NKIRAS1: variants seen among roughly 807,000 people sequenced by gnomAD.
The protein encoded by NKIRAS1 is NF-kappa-B inhibitor-interacting Ras-like protein 1.
In NKIRAS1, 16 loss-of-function variants were observed where a neutral mutation model predicts 19.8. That is an observed-to-expected ratio of 0.81 (90% CI 0.55 to 1.23). The LOEUF is 1.23. Among genes scored for constraint, NKIRAS1 ranks in the 50% most tolerant of loss-of-function variants. The pLI is 0.00. For synonymous variants in NKIRAS1, 88 were observed against 79.0 expected (o/e 1.11, Z -0.61); for missense variants, 184 against 220.0 (o/e 0.84, Z 1.04).
intron 1 of NKIRAS1, among the ~76,000 whole-genome samples, chr3:23,941,138 G>A (rs192821029): frequency 3.5e-4 from 53 of 152,312 alleles, no homozygotes; most frequent in Admixed American, 9.1e-4. Context: ...GGTATTAGGA[G>A]CTAGCAGGAC....
chr3:23,931,785 A>C (rs1705322218), intron 1 of NKIRAS1, among the ~76,000 whole-genome samples: 1 of 152,182 alleles, frequency 6.6e-6, no homozygotes, highest in South Asian at 2.1e-4. Flanking sequence ...GCAAAGGGTC[A>C]TGAGACCCAA....
chr3:23,898,787 T>C (rs1038217649), intron 4 of NKIRAS1, among the ~76,000 whole-genome samples: 3 of 152,104 alleles, frequency 2.0e-5, no homozygotes, highest in African/African-American at 4.8e-5. Context: ...CCCTAGGTCA[T>C]GCGCTGGTAC....
rs535680411 is a variant in NKIRAS1, at chr3:23,897,948, C to T, written c.336+2860G>A. On this transcript the variant is annotated intron_variant, in intron 4 of 4. Transcript: ENST00000425478. ...TAAATAAGCATTCACGGAATTAATA[C>T]GATTATGGGGATTGAAGAAGCATAT... 5.9e-5 allele frequency among the ~76,000 whole-genome samples: 9 copies of T among 152,190 alleles called. No homozygotes were observed. The South Asian group carries it at 1.2e-3, about 21-fold the overall frequency.
intron 1 of NKIRAS1, among the ~76,000 whole-genome samples, chr3:23,913,899 T>C (rs1287513013): frequency 6.6e-6 from 1 of 152,200 alleles, no homozygotes; most frequent in Non-Finnish European, 1.5e-5. Flanking sequence ...TGTGATGCCA[T>C]GATATTAGAA....
intron 3 of NKIRAS1, among the ~76,000 whole-genome samples, chr3:23,907,203 T>A (rs1261609517): frequency 6.6e-6 from 1 of 152,230 alleles, no homozygotes; most frequent in African/African-American, 2.4e-5. Context: ...TTCTTCCTTA[T>A]GATTTTAATA....
At chr3:23,934,228 C>T (rs4459841) in intron 1 of NKIRAS1, among the ~76,000 whole-genome samples, 97,539 of 151,962 alleles carry the variant, frequency 0.64, 31,506 homozygotes, top group Middle Eastern at 0.73. Flanking sequence ...CACATATATG[C>T]GGAAACTTTT....
upstream of NKIRAS1, chr3:23,918,054 G>A (rs369302129): frequency 1.8e-4 from 284 of 1,594,206 alleles, no homozygotes; most frequent in Non-Finnish European, 2.4e-4. Flanking sequence ...CTGCGTGGAT[G>A]CTTGGATAAA....
At chr3:23,896,789 C>G (rs993756063) in intron 4 of NKIRAS1, among the ~76,000 whole-genome samples, 5 of 148,392 alleles carry the variant, frequency 3.4e-5, no homozygotes, top group African/African-American at 1.3e-4. Flanking sequence ...GCCTGAACAA[C>G]ATAACAACAC....
intron 1 of NKIRAS1, among the ~76,000 whole-genome samples, chr3:23,940,877 T>G (rs988288499): frequency 1.4e-4 from 21 of 152,198 alleles, no homozygotes; most frequent in African/African-American, 5.1e-4. Context: ...TGCAATTTGC[T>G]GTGTCACAGC....
intron 1 of NKIRAS1, among the ~76,000 whole-genome samples, chr3:23,930,740 A>G (rs754115452): frequency 6.6e-5 from 10 of 152,280 alleles, no homozygotes; most frequent in Non-Finnish European, 1.3e-4. Flanking sequence ...GTACTCTGTC[A>G]CCCAGGCACA....
At chr3:23,908,638 A>G (rs1703315808) in intron 3 of NKIRAS1, among the ~76,000 whole-genome samples, 1 of 152,116 alleles carries the variant, frequency 6.6e-6, no homozygotes, top group South Asian at 2.1e-4. Flanking sequence ...TATTAGTGTC[A>G]TTTAGAAAAA....
chr3:23,946,131 C>T (rs1705693293), intron 1 of NKIRAS1: 1 of 985,190 alleles, frequency 1.0e-6, no homozygotes, highest in South Asian at 4.7e-5. Flanking sequence ...CCCTCCTCCC[C>T]CGCGGGGTTG....
intron 4 of NKIRAS1, among the ~76,000 whole-genome samples, chr3:23,894,623 C>A (rs1701799151): frequency 6.6e-6 from 1 of 152,140 alleles, no homozygotes; most frequent in Non-Finnish European, 1.5e-5. Flanking sequence ...CCACTGCATC[C>A]TCCACCTCTG....
intron 1 of NKIRAS1, among the ~76,000 whole-genome samples, chr3:23,925,071 A>G (rs974531651): frequency 5.3e-5 from 8 of 152,156 alleles, no homozygotes; most frequent in Non-Finnish European, 1.0e-4. Flanking sequence ...AGGTTGTCCC[A>G]TGGCTACTCC....
At chr3:23,920,226 A>G (rs1293433650), upstream of NKIRAS1, 4 of 985,750 alleles carry the variant, frequency 4.1e-6, no homozygotes, top group African/African-American at 7.0e-5. Context: ...CTTAACCGTA[A>G]TGCTAATTGT....
Position 23,892,242 on chromosome 3 carries a change from C to A in NKIRAS1, c.*853G>T, listed in dbSNP as rs1326797487. The A allele has an allele frequency of 6.6e-6, 1 of 152,132 alleles. No homozygotes were observed. Among genetic ancestry groups the A allele is most frequent in the East Asian group, 1.9e-4 (1 of 5,190 alleles). The allele number at this position is 152,132 out of a possible 1,614,324, so 9.4% of individuals were successfully genotyped here. A position where few individuals can be genotyped will look rare whatever the true frequency, so the allele number is the denominator to read the frequency against. Reference sequence around the variant, plus strand: ...AGTCTTGCCAAAATCTTTAGAGAAACAACACAAACTCAGACATCTAAGTCA... The same window carrying A: ...AGTCTTGCCAAAATCTTTAGAGAAAAAACACAAACTCAGACATCTAAGTCA... On this transcript the variant is annotated 3_prime_UTR_variant, in exon 5 of 5. Coordinates refer to ENST00000425478, the MANE Select transcript of NKIRAS1 (RefSeq NM_020345.4).
intron 4 of NKIRAS1, 59 bp from the exon 5 acceptor site, chr3:23,893,396 C>A (rs1701628310): frequency 6.8e-7 from 1 of 1,473,038 alleles, no homozygotes; most frequent in African/African-American, 1.4e-5. Context: ...AGTTCCTGGG[C>A]AAAATGGAGA....
intron 3 of NKIRAS1, among the ~76,000 whole-genome samples, chr3:23,907,223 T>A (rs1221950622): frequency 6.6e-6 from 1 of 152,208 alleles, no homozygotes; most frequent in African/African-American, 2.4e-5. Flanking sequence ...AACATTTTCT[T>A]ATCTCTAGCT....
Position 23,926,509 on chromosome 3 carries a change from T to TAA in NKIRAS1, c.-139-15060_-139-15059insTT, listed in dbSNP as rs1705216966. Among the ~76,000 whole-genome samples, 2 of 152,108 alleles carry TAA rather than the reference T, an allele frequency of 1.3e-5. No individual in the cohort carries two copies. The highest frequency in any genetic ancestry group is 2.9e-5 in the Non-Finnish European group (2 of 68,020). On this transcript the variant is annotated intron_variant, in intron 1 of 4. Coordinates refer to the NKIRAS1 transcript ENST00000421515. This position sits in a 1 kb window ranked among gnomAD's most constrained non-coding sequence, Gnocchi z 4.3. ...TTCTCTTTCCTCTTCCTCTTCTTCC[T>TAA]CTTCTTTTTTTTTGTGTCATTCTCT...
Sources: gnomAD v4.1 joint callset for allele counts (sites outside exome capture counted in the v4.1 genomes callset) on GRCh38, gnomAD v4.1.1 for gene constraint, Gnocchi (gnomAD v3.1) non-coding constraint, MANE v1.5 for transcripts, NCBI Gene and HGNC (gene_info 2026-07-23, HGNC 2026-07-21) for gene names.